PMS1: variants seen among roughly 807,000 people sequenced by gnomAD.
The protein encoded by PMS1 is PMS1 protein homolog 1.
PMS1 carries 79 observed loss-of-function variants against 93.1 expected under a neutral mutation model. That is an observed-to-expected ratio of 0.85 (90% CI 0.71 to 1.02). PMS1 has a LOEUF of 1.02. Among genes scored for constraint, PMS1 ranks in the 50% least tolerant of loss-of-function variants. PMS1 has a pLI of 0.00. For synonymous variants in PMS1, 335 were observed against 363.4 expected, an observed-to-expected ratio of 0.92 and a Z score of 0.89; for missense variants, 1,064 against 1,085.3, an observed-to-expected ratio of 0.98 and a Z score of 0.28.
intron 3 of PMS1, among the ~76,000 whole-genome samples, 179 bp downstream of exon 3, chr2:189,796,130 A>T (rs1199280730): frequency 6.6e-6 from 1 of 152,128 alleles, no homozygotes; most frequent in Non-Finnish European, 1.5e-5. Context: ...AGGCTGAGGC[A>T]GGTGGATCAC....
At position 189,852,791 on chromosome 2, in the gene PMS1, GA is replaced by G. The variant is rs759972095; in HGVS notation, c.822+24del. 3.8e-4 allele frequency: 550 copies of G among 1,458,250 alleles called. 1 individual carries two copies. Among genetic ancestry groups the G allele is most frequent in the South Asian group, 6.1e-4 (50 of 82,342 alleles). The allele number at this position is 1,458,250 out of a possible 1,614,324, so 90.3% of individuals were successfully genotyped here. ...GATATCTTAAAGGTAGTATGCTTTA[GA>G]AAAAAAAAATTATTTGAATTGGAAA... On this transcript the variant is annotated intron_variant, in intron 7 of 12. Transcript: ENST00000441310.
chr2:189,790,046 C>G (rs947578741), intron 1 of PMS1, among the ~76,000 whole-genome samples: 1 of 152,278 alleles, frequency 6.6e-6, no homozygotes, highest in Admixed American at 6.5e-5. Context: ...CTATAAAGGA[C>G]CTCAAATGCC....
chr2:189,814,826 T>A (rs911492533), intron 4 of PMS1, among the ~76,000 whole-genome samples: 4 of 152,136 alleles, frequency 2.6e-5, no homozygotes, highest in African/African-American at 7.2e-5. Flanking sequence ...GGCCAGGCGC[T>A]GTGGCTGACG....
chr2:189,822,864 G>A (rs2052057529), intron 5 of PMS1, among the ~76,000 whole-genome samples: 1 of 152,086 alleles, frequency 6.6e-6, no homozygotes, highest in Admixed American at 6.5e-5. Context: ...TAAGAAAATT[G>A]TCAAAGGAGC....
chr2:189,805,777 A>C (rs2050284188), intron 4 of PMS1, 23 bp downstream of exon 4: 1 of 1,613,316 alleles, frequency 6.2e-7, no homozygotes, highest in Non-Finnish European at 8.5e-7. Context: ...CTTTGTATAC[A>C]AACATTCTTT....
chr2:189,798,767 T>G (rs2049597329), intron 3 of PMS1, among the ~76,000 whole-genome samples: 1 of 151,582 alleles, frequency 6.6e-6, no homozygotes, highest in African/African-American at 2.4e-5. Context: ...ATTTTTTTTT[T>G]TTTTTTTTTT....
chr2:189,803,844 C>A (rs900773265), intron 3 of PMS1, among the ~76,000 whole-genome samples: 1 of 152,106 alleles, frequency 6.6e-6, no homozygotes, highest in Non-Finnish European at 1.5e-5. Flanking sequence ...TAGTATTCTA[C>A]AAATTGTAAT....
At chr2:189,793,856 C>G (rs1329405907) in intron 2 of PMS1, among the ~76,000 whole-genome samples, 1 of 152,152 alleles carries the variant, frequency 6.6e-6, no homozygotes, top group Non-Finnish European at 1.5e-5. Flanking sequence ...GCTATAATAG[C>G]TATCCTGACT....
At chr2:189,828,084 C>T (rs532322681) in intron 5 of PMS1, among the ~76,000 whole-genome samples, 13 of 148,328 alleles carry the variant, frequency 8.8e-5, no homozygotes, top group South Asian at 2.2e-4. Context: ...CCACCACGCC[C>T]GGCTAATTTT....
At chr2:189,789,847 A>G (rs2048687517) in intron 1 of PMS1, among the ~76,000 whole-genome samples, 2 of 152,182 alleles carry the variant, frequency 1.3e-5, no homozygotes, top group Non-Finnish European at 2.9e-5. Flanking sequence ...CTGCAGAGGA[A>G]TTGCATGTTG....
At position 189,818,257 on chromosome 2, in the gene PMS1, T is replaced by G. The variant is rs1429720640; in HGVS notation, c.582+77T>G. ...ATGTATACTTTATAAATCAGTTAGATATGGGCTATGACTAAATGTTTGTGT... is the reference window on the plus strand; with the variant it reads ...ATGTATACTTTATAAATCAGTTAGAGATGGGCTATGACTAAATGTTTGTGT... On this transcript the variant is annotated intron_variant, in intron 5 of 12. Transcript: ENST00000441310. 6.4e-6 allele frequency: 6 copies of G among 942,682 alleles called. No homozygotes were observed. The Admixed American group carries it at 1.3e-4, about 20-fold the overall frequency. The allele number at this position is 942,682 out of a possible 1,614,324, so 58.4% of individuals were successfully genotyped here. A position where few individuals can be genotyped will look rare whatever the true frequency, so the allele number is the denominator to read the frequency against.
chr2:189,867,006 A>G (rs1285956767), intron 10 of PMS1, among the ~76,000 whole-genome samples: 4 of 152,322 alleles, frequency 2.6e-5, no homozygotes, highest in African/African-American at 9.6e-5. Flanking sequence ...TCTCACAGCC[A>G]TTGGGGTCTT....
At chr2:189,788,424 A>G (rs548867414) in intron 1 of PMS1, among the ~76,000 whole-genome samples, 9 of 152,312 alleles carry the variant, frequency 5.9e-5, no homozygotes, top group Admixed American at 1.3e-4. Context: ...CAATCATATG[A>G]TATCATTATT....
intron 5 of PMS1, among the ~76,000 whole-genome samples, chr2:189,836,163 A>G (rs2053370295): frequency 6.6e-6 from 1 of 152,214 alleles, no homozygotes; most frequent in Non-Finnish European, 1.5e-5. Context: ...TTTACAAACA[A>G]TTGAGGTTTA....
At chr2:189,874,960 T>C (rs1237961536) in intron 12 of PMS1, among the ~76,000 whole-genome samples, 4 of 151,980 alleles carry the variant, frequency 2.6e-5, no homozygotes, top group African/African-American at 9.7e-5. Context: ...TTTTAAATAT[T>C]TTTTTGCTAA....
At chr2:189,796,523 A>G (rs1377716606) in intron 3 of PMS1, among the ~76,000 whole-genome samples, 1 of 152,172 alleles carries the variant, frequency 6.6e-6, no homozygotes, top group East Asian at 1.9e-4. Flanking sequence ...CCATTAAACA[A>G]TAATGCCTTT....
At chr2:189,871,308 G>A (rs2057124642) in intron 11 of PMS1, among the ~76,000 whole-genome samples, 1 of 151,576 alleles carries the variant, frequency 6.6e-6, no homozygotes, top group Non-Finnish European at 1.5e-5. Context: ...AATAGCTCAT[G>A]AGCTTTAAAA....
intron 6 of PMS1, among the ~76,000 whole-genome samples, chr2:189,845,272 T>A (rs1485736747): frequency 1.3e-5 from 2 of 152,154 alleles, no homozygotes; most frequent in Non-Finnish European, 2.9e-5. Flanking sequence ...AGCCCAGTAT[T>A]GTAGTGGGAT....
chr2:189,786,607 G>A (rs1448949325), intron 1 of PMS1, among the ~76,000 whole-genome samples: 1 of 152,136 alleles, frequency 6.6e-6, no homozygotes, highest in African/African-American at 2.4e-5. Flanking sequence ...ATAGTTTTGT[G>A]ATCTTGAGCA....
Sources: allele counts gnomAD v4.1 joint callset (sites outside exome capture counted in the v4.1 genomes callset), GRCh38; gene constraint gnomAD v4.1.1; transcripts MANE v1.5; gene names NCBI Gene and HGNC (gene_info 2026-07-23, HGNC 2026-07-21).